The following PRKRIP1 variants were observed in gnomAD, a reference collection of about 807,000 sequenced individuals.
PRKRIP1 encodes PRKR-interacting protein 1.
A neutral mutation model predicts 29.3 loss-of-function variants in PRKRIP1; 29 were observed. The observed-to-expected ratio is 0.99, with a 90% CI of 0.74 to 1.35. PRKRIP1 has a LOEUF of 1.35. Among genes scored for constraint, PRKRIP1 ranks in the 40% most tolerant of loss-of-function variants. The pLI is 0.00. For missense variants in PRKRIP1, 247 were observed against 236.8 expected (o/e 1.04, Z -0.28); for synonymous variants, 90 against 85.1 (o/e 1.06, Z -0.32).
rs1796800221 is a variant in PRKRIP1, at chr7:102,425,145, C to T, written c.*34C>T. ...GCCACAGCCTCTGCCTGGAACCTGGCTCGTGCTGTGACCAGAAGGGAAAGG... is the reference window on the plus strand; with the variant it reads ...GCCACAGCCTCTGCCTGGAACCTGGTTCGTGCTGTGACCAGAAGGGAAAGG... On this transcript the variant is annotated 3_prime_UTR_variant, in exon 6 of 6. Transcript: ENST00000397912. 1 of 1,596,016 alleles carries T rather than the reference C, an allele frequency of 6.3e-7. No individual in the cohort carries two copies. The highest frequency in any genetic ancestry group is 1.7e-5 in the Admixed American group (1 of 57,664).
At chr7:102,410,559 AG>A (rs1489082328) in intron 5 of PRKRIP1, among the ~76,000 whole-genome samples, 1 of 152,112 alleles carries the variant, frequency 6.6e-6, no homozygotes, top group Non-Finnish European at 1.5e-5. Flanking sequence ...CTACTGTGGC[AG>A]GGGGGCTCTT....
Position 102,396,439 on chromosome 7 carries a change from C to T in PRKRIP1, c.28C>T (p.Arg10Ter), listed in dbSNP as rs782588012. 2 of 1,590,304 alleles carry T rather than the reference C, an allele frequency of 1.3e-6. No individual in the cohort carries two copies. The highest frequency in any genetic ancestry group is 1.9e-5 in the Admixed American group (1 of 53,664). Residue 10 changes from arginine (R) to a stop codon, truncating the protein, a stop_gained, in exon 1 of 6, where the codon CGA becomes TGA. Coordinates refer to ENST00000397912, the MANE Select transcript of PRKRIP1 (RefSeq NM_024653.4). LOFTEE classifies it high-confidence loss of function. ...GGCTAGCCCAGCCGCCTCCTCGGTGCGACCACCGAGGCCCAAGAAAGAGCC... is the reference window on the plus strand; with the variant it reads ...GGCTAGCCCAGCCGCCTCCTCGGTGTGACCACCGAGGCCCAAGAAAGAGCC... MASPAASSV[R>*]PPRPKKEPQT...
intron 5 of PRKRIP1, among the ~76,000 whole-genome samples, chr7:102,409,244 G>A (rs1796310399): frequency 6.6e-6 from 1 of 152,154 alleles, no homozygotes; most frequent in South Asian, 2.1e-4. Context: ...TAAATGTACT[G>A]TGTGACACAT....
intron 3 of PRKRIP1, among the ~76,000 whole-genome samples, chr7:102,400,275 A>G (rs1305671261): frequency 1.3e-5 from 2 of 152,114 alleles, no homozygotes; most frequent in Non-Finnish European, 2.9e-5. Flanking sequence ...GCACCATTGC[A>G]TGCCAGCCTG....
chr7:102,408,088 T>G (rs1796280995), intron 5 of PRKRIP1, among the ~76,000 whole-genome samples: 1 of 152,116 alleles, frequency 6.6e-6, no homozygotes, highest in African/African-American at 2.4e-5. Context: ...CTCAGCAGTG[T>G]AGGCTGGCTC....
intron 3 of PRKRIP1, among the ~76,000 whole-genome samples, chr7:102,402,108 C>G (rs782013862): frequency 6.6e-6 from 1 of 152,116 alleles, no homozygotes; most frequent in African/African-American, 2.4e-5. Context: ...TCTACCAGGT[C>G]ACTGCAGTGG....
At chr7:102,401,581 A>G (rs1796071559) in intron 3 of PRKRIP1, among the ~76,000 whole-genome samples, 1 of 152,146 alleles carries the variant, frequency 6.6e-6, no homozygotes, top group African/African-American at 2.4e-5. Context: ...TAAAAATACA[A>G]AATTAGCCGG....
chr7:102,403,700 C>T (rs1429824592), intron 3 of PRKRIP1, among the ~76,000 whole-genome samples: 6 of 152,210 alleles, frequency 3.9e-5, no homozygotes, highest in Non-Finnish European at 8.8e-5. Context: ...TTGTTCCTAA[C>T]AGCTCTGGGA....
chr7:102,416,763 T>A (rs1407195204), intron 5 of PRKRIP1, among the ~76,000 whole-genome samples: 1 of 150,816 alleles, frequency 6.6e-6, no homozygotes, highest in Non-Finnish European at 1.5e-5. Flanking sequence ...CACTGCAGCC[T>A]CGAACTTCTG....
chr7:102,396,456 G>A lies in PRKRIP1; in HGVS notation c.45G>A (p.Lys15=), dbSNP rs1795899365. ...CCTCGGTGCGACCACCGAGGCCCAA[G>A]AAAGAGCCGCAGACGCTCGTCATCC... is the stretch of plus-strand genomic sequence containing the variant. ...AASSVRPPRP[K]KEPQTLVIPK... Residue 15 remains lysine, a synonymous_variant, in exon 1 of 6, where the codon AAG becomes AAA. Transcript: ENST00000397912. 6.2e-7 allele frequency: 1 copy of A among 1,608,450 alleles called. No individual in the cohort carries two copies. The highest frequency in any genetic ancestry group is 8.5e-7 in the Non-Finnish European group (1 of 1,178,764).
intron 5 of PRKRIP1, among the ~76,000 whole-genome samples, chr7:102,417,793 A>T (rs1302013964): frequency 6.0e-5 from 9 of 151,084 alleles, no homozygotes; most frequent in African/African-American, 2.2e-4. Flanking sequence ...CAGTTTTAAA[A>T]TTTTTTTGTA....
chr7:102,397,888 AC>A (rs1434035397), intron 2 of PRKRIP1, among the ~76,000 whole-genome samples, 190 bp downstream of exon 2: 2 of 152,190 alleles, frequency 1.3e-5, no homozygotes, highest in African/African-American at 2.4e-5. Flanking sequence ...TACTAAAAAT[AC>A]AAAAAAAATT....
chr7:102,406,360 T>C (rs1796222450), intron 4 of PRKRIP1, among the ~76,000 whole-genome samples: 1 of 152,314 alleles, frequency 6.6e-6, no homozygotes, highest in Admixed American at 6.5e-5. Context: ...AGGTGTCATG[T>C]AAAATCCACT....
intron 5 of PRKRIP1, among the ~76,000 whole-genome samples, chr7:102,422,866 G>T (rs1356952847): frequency 6.6e-6 from 1 of 152,078 alleles, no homozygotes; most frequent in Non-Finnish European, 1.5e-5. Flanking sequence ...TTAGACTTGG[G>T]TCACATCCCC....
intron 5 of PRKRIP1, among the ~76,000 whole-genome samples, chr7:102,411,436 A>G (rs945222685): frequency 6.6e-6 from 1 of 151,618 alleles, no homozygotes; most frequent in Non-Finnish European, 1.5e-5. Context: ...CCTAGGCCGG[A>G]GTACAGTGTG....
At chr7:102,396,908 T>A (rs1454730288) in intron 1 of PRKRIP1, among the ~76,000 whole-genome samples, 5 of 152,106 alleles carry the variant, frequency 3.3e-5, no homozygotes, top group Non-Finnish European at 7.4e-5. Context: ...GCCGAGACGT[T>A]TGGAGCTGGT....
chr7:102,415,277 C>T (rs1318332535), intron 5 of PRKRIP1, among the ~76,000 whole-genome samples: 1 of 152,246 alleles, frequency 6.6e-6, no homozygotes, highest in East Asian at 1.9e-4. Context: ...TGCTCCATCA[C>T]TCATGTTGGA....
chr7:102,425,296 C>T lies in PRKRIP1; in HGVS notation c.*185C>T, dbSNP rs1796804781. Reference sequence around the variant, plus strand: ...GTTTGGGAGCCTGAGGGGCCATCTCCCTGACACTCAGAGGCACTGCCTTGC... The same window carrying T: ...GTTTGGGAGCCTGAGGGGCCATCTCTCTGACACTCAGAGGCACTGCCTTGC... On this transcript the variant is annotated 3_prime_UTR_variant, in exon 6 of 6. Coordinates refer to ENST00000397912, the MANE Select transcript of PRKRIP1 (RefSeq NM_024653.4). 1.6e-6 allele frequency: 2 copies of T among 1,251,970 alleles called. No individual in the cohort carries two copies. The highest frequency in any genetic ancestry group is 5.3e-5 in the Admixed American group (2 of 37,680). The allele number at this position is 1,251,970 out of a possible 1,614,324, so 77.6% of individuals were successfully genotyped here.
At chr7:102,401,279 CAA>C (rs1796063319) in intron 3 of PRKRIP1, among the ~76,000 whole-genome samples, 1 of 152,132 alleles carries the variant, frequency 6.6e-6, no homozygotes. Flanking sequence ...ATTGTTGAGT[CAA>C]AGAGCAGTGG....
Sources: allele counts gnomAD v4.1 joint callset (sites outside exome capture counted in the v4.1 genomes callset), GRCh38; gene constraint gnomAD v4.1.1; transcripts MANE v1.5; gene names NCBI Gene and HGNC (gene_info 2026-07-23, HGNC 2026-07-21).